The following RNF220 variants were observed in gnomAD, a reference collection of about 807,000 sequenced individuals.
RNF220 encodes ring finger protein 220, also known as E3 ubiquitin-protein ligase RNF220.
RNF220 carries 7 observed loss-of-function variants against 67.1 expected under a neutral mutation model. The observed-to-expected ratio is 0.10, with a 90% CI of 0.06 to 0.20. The LOEUF is 0.20. Ranked by LOEUF, RNF220 falls within the 10% of genes least tolerant of loss-of-function variation. The pLI, the probability that RNF220 is intolerant of heterozygous loss-of-function variation, is 1.00. For missense variants in RNF220, 565 were observed against 740.3 expected, an observed-to-expected ratio of 0.76 and a Z score of 2.75; for synonymous variants, 270 against 283.2, an observed-to-expected ratio of 0.95 and a Z score of 0.47.
chr1:44,444,864 T>A (rs749669776), intron 2 of RNF220, among the ~76,000 whole-genome samples: 12 of 152,308 alleles, frequency 7.9e-5, no homozygotes, highest in South Asian at 4.1e-4. Flanking sequence ...GGGCCTGAGT[T>A]TCCTGAGGGT....
chr1:44,448,333 C>T (rs528658176), intron 2 of RNF220, among the ~76,000 whole-genome samples: 1 of 152,154 alleles, frequency 6.6e-6, no homozygotes, highest in Non-Finnish European at 1.5e-5. Flanking sequence ...TTTTATACTT[C>T]AGTTTTTTTC....
rs541693003 is a variant in RNF220 at position 44,574,951 on chromosome 1, T to A, written c.626-39214T>A. Among the ~76,000 whole-genome samples the A allele has an allele frequency of 3.3e-5, 5 of 152,330 alleles. No homozygotes were observed. In the South Asian group the frequency reaches 6.2e-4, roughly 19 times the overall value. The stretch of plus-strand genomic sequence containing the variant: ...TTTGTTACATGCATAGAATGTGCAA[T>A]TACCAAATCAGGGTATTTAGGGTTT... On this transcript the variant is annotated intron_variant, in intron 2 of 14. Transcript: ENST00000361799.
rs576693700 is a variant in RNF220, at chr1:44,506,585, C to T, written c.625+93863C>T. Among the ~76,000 whole-genome samples the T allele has an allele frequency of 2.0e-3, 299 of 152,332 alleles. 4 individuals are homozygous for T. The highest frequency in any genetic ancestry group is 5.9e-3 in the Admixed American group (91 of 15,304). ...CAGCCTCCAGCAATACCCTGCAGGC[C>T]GGATGGCCCAAGCCAAGTGAAACCT... is the stretch of plus-strand genomic sequence containing the variant. On this transcript the variant is annotated intron_variant, in intron 2 of 14. Transcript: ENST00000361799.
intron 2 of RNF220, among the ~76,000 whole-genome samples, chr1:44,467,491 G>A (rs183799371): frequency 1.0e-3 from 152 of 152,320 alleles, no homozygotes; most frequent in African/African-American, 3.6e-3. Flanking sequence ...GATTACAGGC[G>A]TGAGCCACCG....
chr1:44,429,361 C>G (rs1051516056), intron 2 of RNF220, among the ~76,000 whole-genome samples: 1 of 152,162 alleles, frequency 6.6e-6, no homozygotes, highest in African/African-American at 2.4e-5. Context: ...AATATTCTGA[C>G]CCAGATGAAG....
chr1:44,630,525 C>T (rs1253551416), intron 5 of RNF220, among the ~76,000 whole-genome samples: 2 of 152,196 alleles, frequency 1.3e-5, no homozygotes, highest in African/African-American at 2.4e-5. Flanking sequence ...TCATGCAAGA[C>T]GCTGTGCTGG....
chr1:44,411,948 C>T (rs933450417), intron 1 of RNF220, 33 bp from the exon 2 acceptor site: 11 of 834,156 alleles, frequency 1.3e-5, no homozygotes, highest in Non-Finnish European at 1.4e-5. Context: ...GACTTTCCTC[C>T]CCCTTCTTTT....
chr1:44,548,528 C>T (rs1024267332), intron 2 of RNF220, among the ~76,000 whole-genome samples: 1 of 152,020 alleles, frequency 6.6e-6, no homozygotes, highest in Non-Finnish European at 1.5e-5. Flanking sequence ...AGGTCTCACT[C>T]TGTCACTGAG....
chr1:44,508,342 TG>T (rs1391734079), intron 2 of RNF220, among the ~76,000 whole-genome samples: 1 of 151,814 alleles, frequency 6.6e-6, no homozygotes, highest in Non-Finnish European at 1.5e-5. Context: ...TAAGGAGAGA[TG>T]GGCGAGTCGT....
chr1:44,421,684 A>G (rs1649236293), intron 2 of RNF220, among the ~76,000 whole-genome samples: 1 of 151,940 alleles, frequency 6.6e-6, no homozygotes. Context: ...CCTAGGAGTA[A>G]AAGAGGGCTG....
intron 2 of RNF220, among the ~76,000 whole-genome samples, chr1:44,611,533 G>T (rs566000495): frequency 6.3e-4 from 96 of 152,224 alleles, no homozygotes; most frequent in African/African-American, 2.3e-3. Flanking sequence ...GCCCCCTTCA[G>T]ACCCCAGTCC....
intron 2 of RNF220, among the ~76,000 whole-genome samples, chr1:44,475,011 C>T (rs978426348): frequency 6.6e-6 from 1 of 151,372 alleles, no homozygotes; most frequent in Non-Finnish European, 1.5e-5. Flanking sequence ...CTATGAAAGC[C>T]AAGTTGAAAA....
chr1:44,528,837 C>T (rs866978880), intron 2 of RNF220, among the ~76,000 whole-genome samples: 99 of 150,808 alleles, frequency 6.6e-4, no homozygotes, highest in African/African-American at 2.3e-3. Context: ...TGGTCTTTAA[C>T]TCCTGACCTC....
chr1:44,528,007 G>A (rs1292275844), intron 2 of RNF220, among the ~76,000 whole-genome samples: 2 of 148,836 alleles, frequency 1.3e-5, no homozygotes, highest in African/African-American at 4.9e-5. Context: ...CTTTCATAGT[G>A]TGAATGCAAT....
intron 2 of RNF220, among the ~76,000 whole-genome samples, chr1:44,559,285 C>T (rs1174064221): frequency 1.3e-5 from 2 of 152,202 alleles, no homozygotes; most frequent in Non-Finnish European, 2.9e-5. Context: ...CCACGCTGTT[C>T]TGTGGAAGCA....
intron 2 of RNF220, among the ~76,000 whole-genome samples, chr1:44,445,245 C>T (rs1651953613): frequency 1.3e-5 from 2 of 152,150 alleles, no homozygotes; most frequent in Admixed American, 6.5e-5. Context: ...AGTATTTCTT[C>T]TGTTCAACTA....
chr1:44,616,853 G>A (rs2148436394), intron 3 of RNF220, among the ~76,000 whole-genome samples: 1 of 152,230 alleles, frequency 6.6e-6, no homozygotes, highest in East Asian at 1.9e-4. Flanking sequence ...CCTCGGTGAG[G>A]GCCACACTAC....
At chr1:44,554,166 CTCT>C (rs1662888509) in intron 2 of RNF220, among the ~76,000 whole-genome samples, 1 of 152,076 alleles carries the variant, frequency 6.6e-6, no homozygotes, top group Non-Finnish European at 1.5e-5. Flanking sequence ...GAACAGATAT[CTCT>C]CTGGCCCCTG....
chr1:44,539,799 C>G (rs1053609670), intron 2 of RNF220, among the ~76,000 whole-genome samples: 15 of 152,342 alleles, frequency 9.8e-5, no homozygotes, highest in African/African-American at 3.6e-4. Flanking sequence ...CTCTTTGCTT[C>G]CTCTAACCTG....
Sources: gnomAD v4.1 joint callset for allele counts (sites outside exome capture counted in the v4.1 genomes callset) on GRCh38, gnomAD v4.1.1 for gene constraint, MANE v1.5 for transcripts, NCBI Gene and HGNC (gene_info 2026-07-23, HGNC 2026-07-21) for gene names.